NAALADL2: variants seen among roughly 807,000 people sequenced by gnomAD.
NAALADL2 encodes the protein N-acetylated alpha-linked acidic dipeptidase like 2, also known as inactive N-acetylated-alpha-linked acidic dipeptidase-like protein 2.
Under a neutral mutation model 87.2 loss-of-function variants are expected in NAALADL2, and 76 were observed. The ratio of observed to expected loss-of-function variants is 0.87; its 90% CI spans 0.72 to 1.05. The LOEUF (loss-of-function observed/expected upper bound fraction) is 1.05, where lower values mean the gene tolerates loss of function less well. Ranked by LOEUF, NAALADL2 falls within the 50% of genes least tolerant of loss-of-function variation. The pLI is 0.00. For synonymous variants in NAALADL2, 354 were observed against 331.0 expected, an observed-to-expected ratio of 1.07 and a Z score of -0.75; for missense variants, 1,089 against 945.8, an observed-to-expected ratio of 1.15 and a Z score of -1.99.
chr3:175,465,141 A>T (rs1354553668), intron 7 of NAALADL2, among the ~76,000 whole-genome samples: 1 of 151,918 alleles, frequency 6.6e-6, no homozygotes, highest in Admixed American at 6.5e-5. Context: ...AGTCCCAGCT[A>T]CTGGGGAGGC....
Position 175,463,473 on chromosome 3 carries a change from T to G in NAALADL2, c.1307T>G (p.Val436Gly). ...ACAGTTACTAATGTTGTTGGATTTGTAATGGGCTTGACATCTCCAGGTAAG... is the reference window on the plus strand; with the variant it reads ...ACAGTTACTAATGTTGTTGGATTTGGAATGGGCTTGACATCTCCAGGTAAG... ...LKTVTNVVGF[V>G]MGLTSPDRYI... Residue 436 changes from valine (V) to glycine (G), a missense_variant, in exon 7 of 14, where the codon GTA becomes GGA. By Grantham distance (109) the Val-to-Gly change is moderately radical. Coordinates refer to ENST00000454872, the MANE Select transcript of NAALADL2 (RefSeq NM_207015.3). 1 of 1,596,006 alleles carries G rather than the reference T, an allele frequency of 6.3e-7. No individual in the cohort carries two copies. The highest frequency in any genetic ancestry group is 1.1e-5 in the South Asian group (1 of 87,228).
intron 1 of NAALADL2, among the ~76,000 whole-genome samples, chr3:175,060,492 A>G (rs150309832): frequency 6.6e-6 from 1 of 152,314 alleles, no homozygotes; most frequent in African/African-American, 2.4e-5. Flanking sequence ...AATATTTTCA[A>G]TTAATGCTTT....
At chr3:174,508,117 T>TTTTTTTGTTTG (rs1560020993) in intron 1 of NAALADL2, among the ~76,000 whole-genome samples, 1 of 140,778 alleles carries the variant, frequency 7.1e-6, no homozygotes. Flanking sequence ...TCTAGTGGTT[T>TTTTTTTGTTTG]TTTTTTTTTT....
At chr3:175,160,000 C>CTTTTTT (rs58734561) in intron 2 of NAALADL2, among the ~76,000 whole-genome samples, 15 of 134,094 alleles carry the variant, frequency 1.1e-4, no homozygotes, top group Middle Eastern at 4.1e-3. Flanking sequence ...CCACTCGTGA[C>CTTTTTT]TTTTTTTTTT....
chr3:175,450,897 C>A (rs1012720012), intron 6 of NAALADL2, among the ~76,000 whole-genome samples: 1 of 152,088 alleles, frequency 6.6e-6, no homozygotes, highest in African/African-American at 2.4e-5. Context: ...GAACAAGAAA[C>A]CATGTAGCTC....
Position 175,162,387 on chromosome 3 carries a change from G to GTTT in NAALADL2, c.545+65096_545+65097insTTT, listed in dbSNP as rs1733361565. ...TCCACAATAATGCAAACTACAGGTT[G>GTTT]AAGTCGTATCAGTATGTTTAATATT... On this transcript the variant is annotated intron_variant, in intron 2 of 13. Transcript: ENST00000454872. Among the ~76,000 whole-genome samples, 5 of 152,112 alleles carry GTTT rather than the reference G, an allele frequency of 3.3e-5. 1 individual carries two copies. The highest frequency in any genetic ancestry group is 1.2e-4 in the African/African-American group (5 of 41,428).
At chr3:175,255,342 C>G (rs1749752519) in intron 3 of NAALADL2, among the ~76,000 whole-genome samples, 1 of 152,072 alleles carries the variant, frequency 6.6e-6, no homozygotes. Context: ...TCAGATGAAT[C>G]TTTTATGGAA....
intron 10 of NAALADL2, among the ~76,000 whole-genome samples, chr3:175,605,064 CT>C (rs1298783437): frequency 6.6e-6 from 1 of 152,138 alleles, no homozygotes; most frequent in Non-Finnish European, 1.5e-5. Flanking sequence ...CTAGCTATTC[CT>C]TTATGAAGAA....
At chr3:175,458,253 C>T (rs1035377244) in intron 6 of NAALADL2, among the ~76,000 whole-genome samples, 9 of 151,876 alleles carry the variant, frequency 5.9e-5, no homozygotes, top group African/African-American at 1.4e-4. Flanking sequence ...CTCCATACTA[C>T]TCAGTGAGCA....
At chr3:175,241,620 A>ACCATT (rs1238610325) in intron 3 of NAALADL2, among the ~76,000 whole-genome samples, 2 of 152,212 alleles carry the variant, frequency 1.3e-5, no homozygotes, top group Non-Finnish European at 2.9e-5. Flanking sequence ...TTTAGACAGG[A>ACCATT]CCATTTACAA....
intron 13 of NAALADL2, among the ~76,000 whole-genome samples, chr3:175,794,945 C>A (rs564544893): frequency 6.6e-6 from 1 of 152,156 alleles, no homozygotes; most frequent in South Asian, 2.1e-4. Context: ...GGTTCTGGAG[C>A]GGGTACTCTG....
At chr3:174,826,052 C>T (rs568915434) in intron 3 of NAALADL2, among the ~76,000 whole-genome samples, 3 of 146,182 alleles carry the variant, frequency 2.1e-5, no homozygotes, top group Non-Finnish European at 4.5e-5. Context: ...ACAACAACAA[C>T]GACAACAACA....
At chr3:175,420,908 A>C (rs1362614108) in intron 5 of NAALADL2, among the ~76,000 whole-genome samples, 1 of 152,034 alleles carries the variant, frequency 6.6e-6, no homozygotes, top group Non-Finnish European at 1.5e-5. Context: ...GCCTATCTGC[A>C]TCCACATAAA....
chr3:175,751,505 CTT>C (rs1243168759), intron 12 of NAALADL2, among the ~76,000 whole-genome samples: 2 of 151,998 alleles, frequency 1.3e-5, no homozygotes, highest in African/African-American at 4.8e-5. Flanking sequence ...ATAATACAAA[CTT>C]GCGTAAATAG....
intron 11 of NAALADL2, chr3:175,718,357 T>C (rs1461168503): frequency 2.5e-6 from 4 of 1,602,858 alleles, no homozygotes; most frequent in Middle Eastern, 2.2e-4. Flanking sequence ...AGCACTGATA[T>C]GCTCTTGGGT....
intron 3 of NAALADL2, among the ~76,000 whole-genome samples, chr3:174,787,603 A>ATATATATATATATATATATATG (rs1311546482): frequency 8.0e-5 from 8 of 99,480 alleles, no homozygotes; most frequent in African/African-American, 2.6e-4. Context: ...ATATATATAT[A>ATATATATATATATATATATATG]TATATATATA....
intron 9 of NAALADL2, among the ~76,000 whole-genome samples, chr3:175,566,646 A>C (rs1717191122): frequency 1.3e-5 from 2 of 152,146 alleles, no homozygotes; most frequent in Non-Finnish European, 2.9e-5. Context: ...TATTCAAACA[A>C]ACTTGACAAG....
chr3:174,524,171 A>G (rs1578081770), intron 1 of NAALADL2, among the ~76,000 whole-genome samples: 1 of 152,246 alleles, frequency 6.6e-6, no homozygotes, highest in East Asian at 1.9e-4. Flanking sequence ...TAGCTACATT[A>G]AAGTATGATT....
In NAALADL2 at chr3:174,907,975, T is replaced by C. The variant is rs900066381; in HGVS notation, c.43+48525T>C. On this transcript the variant is annotated intron_variant, in intron 1 of 13. Coordinates refer to ENST00000454872, the MANE Select transcript of NAALADL2 (RefSeq NM_207015.3). ...AGTTGCTTTCCAGCATTAAGTAACA[T>C]ATTTCTTATTTATATCAATTATCTC... Among the ~76,000 whole-genome samples, 10 of 151,212 alleles carry C rather than the reference T, an allele frequency of 6.6e-5. No individual in the cohort carries two copies. The East Asian group carries it at 7.8e-4, about 12-fold the overall frequency.
Sources: allele counts gnomAD v4.1 joint callset (sites outside exome capture counted in the v4.1 genomes callset), GRCh38; gene constraint gnomAD v4.1.1; transcripts MANE v1.5; gene names NCBI Gene and HGNC (gene_info 2026-07-23, HGNC 2026-07-21).